SNTB2: variants seen among roughly 807,000 people sequenced by gnomAD.
The protein encoded by SNTB2 is beta-2-syntrophin.
Under a neutral mutation model 46.2 loss-of-function variants are expected in SNTB2, and 34 were observed. The observed-to-expected ratio is 0.74, with a 90% CI of 0.56 to 0.98. The LOEUF (loss-of-function observed/expected upper bound fraction) is 0.98. Ranked by LOEUF, SNTB2 falls within the 50% of genes least tolerant of loss-of-function variation. The probability of loss-of-function intolerance (pLI) is 0.00; values close to 1 mark genes in which losing one functional copy is unlikely to be tolerated. For missense variants in SNTB2, 603 were observed against 731.4 expected, an observed-to-expected ratio of 0.82 and a Z score of 2.02; for synonymous variants, 290 against 312.6, an observed-to-expected ratio of 0.93 and a Z score of 0.76.
intron 4 of SNTB2, among the ~76,000 whole-genome samples, chr16:69,271,740 T>C (rs1432955926): frequency 1.3e-5 from 2 of 152,364 alleles, no homozygotes; most frequent in African/African-American, 4.8e-5. Context: ...GTTCTGATCA[T>C]AGAATGCAAG....
chr16:69,284,023 A>T, intron 4 of SNTB2, 25 bp from the exon 5 acceptor site: 3 of 1,554,922 alleles, frequency 1.9e-6, no homozygotes, highest in Non-Finnish European at 2.6e-6. Flanking sequence ...GTTACTTTTG[A>T]TCTCTGCTCT....
At chr16:69,274,878 G>A (rs903612639) in intron 4 of SNTB2, among the ~76,000 whole-genome samples, 2 of 152,142 alleles carry the variant, frequency 1.3e-5, no homozygotes. Context: ...TATTAAAGGT[G>A]AGGAATTCAA....
chr16:69,248,402 G>A (rs1187670380), intron 2 of SNTB2, among the ~76,000 whole-genome samples: 5 of 152,322 alleles, frequency 3.3e-5, no homozygotes, highest in African/African-American at 1.2e-4. Flanking sequence ...GGGAGACGGA[G>A]GCAGGTGGAT....
In SNTB2 at chr16:69,245,735, C is replaced by G; in HGVS notation, c.714C>G (p.Asn238Lys). The change falls in exon 2 of 7, where the codon AAC (asparagine) becomes AAG (lysine). Residue 238 changes from asparagine (N) to lysine (K), a missense_variant. By Grantham distance (94) the Asn-to-Lys change is moderately conservative (BLOSUM62 0). Around this residue, in one of 2 missense-constraint regions of SNTB2, gnomAD observed 537 missense variants for 692.4 expected, o/e 0.78. Transcript: ENST00000336278. Reference sequence around the variant, plus strand: ...ACTCTGGTTCGCCAAAACACCAGAACAGCACCAAGGACAGGAAGATCATCC... The same window carrying G: ...ACTCTGGTTCGCCAAAACACCAGAAGAGCACCAAGGACAGGAAGATCATCC... ...SEDSGSPKHQ[N>K]STKDRKIIPL... is the part of the protein sequence containing the mutation. 6.2e-7 allele frequency: 1 copy of G among 1,614,100 alleles called. No homozygotes were observed. Among genetic ancestry groups the G allele is most frequent in the Non-Finnish European group, 8.5e-7 (1 of 1,180,034 alleles).
At chr16:69,210,023 T>A (rs1315083859) in intron 1 of SNTB2, among the ~76,000 whole-genome samples, 5 of 148,080 alleles carry the variant, frequency 3.4e-5, no homozygotes, top group African/African-American at 1.2e-4. Context: ...TATTTAATTT[T>A]TTTTTTTTTT....
chr16:69,214,579 T>A (rs1424170163), intron 1 of SNTB2, among the ~76,000 whole-genome samples: 1 of 152,054 alleles, frequency 6.6e-6, no homozygotes, highest in African/African-American at 2.4e-5. Flanking sequence ...CAGGCTGGAT[T>A]GCAGTGGCAC....
chr16:69,287,611 C>T (rs936480887), intron 5 of SNTB2, among the ~76,000 whole-genome samples: 1 of 151,998 alleles, frequency 6.6e-6, no homozygotes, highest in African/African-American at 2.4e-5. Flanking sequence ...CCTGTAGTCC[C>T]AGCACTTTGG....
rs1211183396 is a variant in SNTB2, at chr16:69,303,365, G to A, written c.*2441G>A. 6.6e-6 allele frequency: 1 copy of A among 152,170 alleles called. No homozygotes were observed. Among genetic ancestry groups the A allele is most frequent in the African/African-American group, 2.4e-5 (1 of 41,444 alleles). The allele number at this position is 152,170 out of a possible 1,614,324, so 9.4% of individuals were successfully genotyped here. A position where few individuals can be genotyped will look rare whatever the true frequency, so the allele number is the denominator to read the frequency against. On this transcript the variant is annotated 3_prime_UTR_variant, in exon 7 of 7. Transcript: ENST00000336278. ...CAAAGCCATTTGGTTGAGGTTTTCT[G>A]TGTTAATGTGAAAAGCTAAGCCACT...
chr16:69,265,909 C>T (rs1464763092), intron 3 of SNTB2, among the ~76,000 whole-genome samples: 1 of 151,230 alleles, frequency 6.6e-6, no homozygotes, highest in Non-Finnish European at 1.5e-5. Context: ...GGTGTTCAAA[C>T]ACAAGCAAAC....
At chr16:69,206,565 C>T (rs1254621889) in intron 1 of SNTB2, among the ~76,000 whole-genome samples, 1 of 151,374 alleles carries the variant, frequency 6.6e-6, no homozygotes, top group Non-Finnish European at 1.5e-5. Flanking sequence ...GTGGTGCATG[C>T]CTGTAATCCC....
chr16:69,301,082 C>T lies in SNTB2; in HGVS notation c.*158C>T. 1 of 581,414 alleles carries T rather than the reference C, an allele frequency of 1.7e-6. No individual in the cohort carries two copies. The highest frequency in any genetic ancestry group is 3.1e-6 in the Non-Finnish European group (1 of 324,194). 36.0% of individuals were successfully genotyped at this position (581,414 alleles called of 1,614,324 possible). On this transcript the variant is annotated 3_prime_UTR_variant, in exon 7 of 7. Coordinates refer to ENST00000336278, the MANE Select transcript of SNTB2 (RefSeq NM_006750.4). Reference sequence around the variant, plus strand: ...AACCATAACCGTGTTTAAAGAAGAGCCTACCTTTCACAGTCTACCTTGGCC... The same window carrying T: ...AACCATAACCGTGTTTAAAGAAGAGTCTACCTTTCACAGTCTACCTTGGCC...
intron 1 of SNTB2, among the ~76,000 whole-genome samples, chr16:69,212,122 T>C (rs1057409438): frequency 9.2e-5 from 14 of 152,180 alleles, no homozygotes; most frequent in African/African-American, 3.4e-4. Flanking sequence ...TCCTAGCTAC[T>C]TTCATTTGTC....
chr16:69,201,014 A>G (rs7185401), intron 1 of SNTB2, among the ~76,000 whole-genome samples: 3,759 of 152,304 alleles, frequency 0.025, 162 homozygotes, highest in African/African-American at 0.085. Flanking sequence ...CTGAAAACTC[A>G]GACAAATCGA....
chr16:69,246,320 A>C (rs924145536), intron 2 of SNTB2, among the ~76,000 whole-genome samples: 1 of 152,036 alleles, frequency 6.6e-6, no homozygotes, highest in Non-Finnish European at 1.5e-5. Context: ...TGAGATAATC[A>C]TGTGGTTTTT....
At chr16:69,238,321 ACT>A (rs938166208) in intron 1 of SNTB2, among the ~76,000 whole-genome samples, 1 of 151,712 alleles carries the variant, frequency 6.6e-6, no homozygotes, top group Non-Finnish European at 1.5e-5. Context: ...TTTGGTACCC[ACT>A]CTCTTTCCTA....
At chr16:69,292,379 T>TA (rs1491168503) in intron 5 of SNTB2, among the ~76,000 whole-genome samples, 10 of 30,306 alleles carry the variant, frequency 3.3e-4, no homozygotes, top group East Asian at 2.0e-3. Context: ...TATATATATA[T>TA]TATATATATA....
chr16:69,298,446 G>A (rs561197819), intron 5 of SNTB2, among the ~76,000 whole-genome samples: 1 of 150,536 alleles, frequency 6.6e-6, no homozygotes, highest in South Asian at 2.1e-4. Context: ...TGCTCCTTTG[G>A]TTGGTCCTTC....
chr16:69,276,522 C>G (rs79639621), intron 4 of SNTB2, among the ~76,000 whole-genome samples: 4,745 of 152,192 alleles, frequency 0.031, 116 homozygotes, highest in Non-Finnish European at 0.048. Flanking sequence ...TTGCTTTCAC[C>G]AACACTTTGT....
intron 1 of SNTB2, among the ~76,000 whole-genome samples, chr16:69,225,204 C>T (rs994277893): frequency 2.0e-5 from 3 of 152,204 alleles, no homozygotes; most frequent in African/African-American, 7.2e-5. Flanking sequence ...ACTTGGAGGA[C>T]TTTCTTGTTC....
Sources: gnomAD v4.1 joint callset for allele counts (sites outside exome capture counted in the v4.1 genomes callset) on GRCh38, gnomAD v4.1.1 for gene constraint, gnomAD v4.1.1 regional missense constraint, MANE v1.5 for transcripts, NCBI Gene and HGNC (gene_info 2026-07-23, HGNC 2026-07-21) for gene names.